HMCN2: variants seen among roughly 807,000 people sequenced by gnomAD.
HMCN2 encodes the protein hemicentin-2.
Under a neutral mutation model 377.5 loss-of-function variants are expected in HMCN2, and 325 were observed. That is an observed-to-expected ratio of 0.86 (90% CI 0.79 to 0.94). HMCN2 has a LOEUF of 0.94. Among genes scored for constraint, HMCN2 ranks in the 40% least tolerant of loss-of-function variants. The probability of loss-of-function intolerance (pLI) is 0.00; values close to 1 mark genes in which losing one functional copy is unlikely to be tolerated. For synonymous variants in HMCN2, 2,007 were observed against 2,046.8 expected, an observed-to-expected ratio of 0.98 and a Z score of 0.53; for missense variants, 4,543 against 4,725.3, an observed-to-expected ratio of 0.96 and a Z score of 1.13.
chr9:130,322,342 CCATCT>C (rs1207608381), intron 19 of HMCN2, among the ~76,000 whole-genome samples: 64,584 of 147,664 alleles, frequency 0.44, 14,896 homozygotes, highest in South Asian at 0.57. Context: ...ATCTATCTAT[CCATCT>C]ATCTATCTAT....
intron 1 of HMCN2, among the ~76,000 whole-genome samples, chr9:130,275,049 C>T (rs1256104262): frequency 1.3e-5 from 2 of 152,240 alleles, no homozygotes; most frequent in African/African-American, 4.8e-5. Context: ...AAACACACTG[C>T]GCCATCTTGC....
chr9:130,433,960 T>A lies in HMCN2; in HGVS notation c.*267T>A. ...GGGAAGCCCGGATCAGACCTCCAGG[T>A]CTGATCCGCCCCTCAGTGGGAGCGG... On this transcript the variant is annotated 3_prime_UTR_variant, in exon 98 of 98. Transcript: ENST00000683500. 2 of 390,468 alleles carry A rather than the reference T, an allele frequency of 5.1e-6. No homozygotes were observed. The highest frequency in any genetic ancestry group is 9.1e-6 in the Non-Finnish European group (2 of 220,844). 24.2% of individuals were successfully genotyped at this position (390,468 alleles called of 1,614,324 possible).
Position 130,365,735 on chromosome 9 carries a change from T to C in HMCN2, c.6505+8T>C. 1 of 984,820 alleles carries C rather than the reference T, an allele frequency of 1.0e-6. No homozygotes were observed. Among genetic ancestry groups the C allele is most frequent in the Non-Finnish European group, 1.2e-6 (1 of 829,172 alleles). The allele number at this position is 984,820 out of a possible 1,614,324, so 61.0% of individuals were successfully genotyped here. On this transcript the variant is annotated splice_region_variant and intron_variant, in intron 42 of 97. Transcript: ENST00000683500. The stretch of plus-strand genomic sequence containing the variant: ...ACAATCTGAACGTCTGGGGTGAGGG[T>C]CTCCCAGGCTGGGCAGGGGGAGGGG...
chr9:130,425,144 C>A lies in HMCN2; in HGVS notation c.13641+14C>A. 1 of 1,539,474 alleles carries A rather than the reference C, an allele frequency of 6.5e-7. No homozygotes were observed. The highest frequency in any genetic ancestry group is 8.8e-7 in the Non-Finnish European group (1 of 1,141,272). On this transcript the variant is annotated intron_variant, in intron 89 of 97. Coordinates refer to ENST00000683500, the MANE Select transcript of HMCN2 (RefSeq NM_001291815.2). ...CTTCAAGTGCAGGTCGGGGGTCAAG[C>A]CCTGGGGTGTGCAGACAGGGTAGGT...
chr9:130,391,212 C>G lies in HMCN2; in HGVS notation c.9676C>G (p.Arg3226Gly). The G allele has an allele frequency of 2.0e-6, 2 of 987,934 alleles. No homozygotes were observed. The highest frequency in any genetic ancestry group is 9.3e-5 in the South Asian group (2 of 21,392). 61.2% of individuals were successfully genotyped at this position (987,934 alleles called of 1,614,324 possible). A position where few individuals can be genotyped will look rare whatever the true frequency, so the allele number is the denominator to read the frequency against. ...DFVVAVLVAP[R>G]IRSSGVAREH... ...CTGCACCCCTGCCTCAGTGGCCCCC[C>G]GGATCCGGAGCTCGGGCGTGGCGCG... is the stretch of plus-strand genomic sequence containing the variant. The change falls in exon 64 of 98, where the codon CGG (arginine) becomes GGG (glycine). Residue 3226 changes from arginine to glycine, a missense_variant. Around this residue, in one of 5 missense-constraint regions of HMCN2, gnomAD observed 736 missense variants for 773.2 expected, o/e 0.95. Transcript: ENST00000683500.
intron 43 of HMCN2, among the ~76,000 whole-genome samples, chr9:130,367,932 ACT>A (rs1281875399): frequency 8.5e-6 from 1 of 118,326 alleles, no homozygotes; most frequent in Non-Finnish European, 1.7e-5. Flanking sequence ...ACAGAGAGAG[ACT>A]CTGTCTCAAA....
intron 16 of HMCN2, among the ~76,000 whole-genome samples, 177 bp downstream of exon 16, chr9:130,319,872 T>A (rs975364630): frequency 6.0e-4 from 92 of 152,192 alleles, no homozygotes; most frequent in African/African-American, 2.2e-3. Flanking sequence ...TCCACTACTC[T>A]GACCCTGTTC....
Position 130,277,916 on chromosome 9 carries a change from CCACCA to C in HMCN2, c.260-6686_260-6682del, listed in dbSNP as rs1834838519. Among the ~76,000 whole-genome samples the C allele has an allele frequency of 5.1e-5, 2 of 38,952 alleles. 1 individual carries two copies. The highest frequency in any genetic ancestry group is 3.5e-4 in the African/African-American group (2 of 5,788). The allele number at this position is 38,952 out of a possible 152,430, so 25.6% of individuals were successfully genotyped here. A position where few individuals can be genotyped will look rare whatever the true frequency, so the allele number is the denominator to read the frequency against. ...ACCACCACCATCATCATCACCACCACCACCATCATCATCATCACCACCACCATCAT... is the reference window on the plus strand; with the variant it reads ...ACCACCACCATCATCATCACCACCACTCATCATCATCACCACCACCATCAT... On this transcript the variant is annotated intron_variant, in intron 1 of 97. Transcript: ENST00000683500.
rs1019613380 is a variant in HMCN2 at position 130,351,323 on chromosome 9, G to C, written c.4431-100G>C. The C allele has an allele frequency of 1.3e-5, 13 of 964,998 alleles. No homozygotes were observed. Among genetic ancestry groups the C allele is most frequent in the Non-Finnish European group, 1.4e-6 (1 of 726,218 alleles). 59.8% of individuals were successfully genotyped at this position (964,998 alleles called of 1,614,324 possible). ...TCCCACCTCTTGGCGCTAATGAATG[G>C]CCCAGCCTCGCTTTTTACAAGCCAC... On this transcript the variant is annotated intron_variant, in intron 29 of 97. Coordinates refer to ENST00000683500, the MANE Select transcript of HMCN2 (RefSeq NM_001291815.2). This position sits in a 1 kb window ranked among gnomAD's most constrained non-coding sequence, Gnocchi z 5.4.
In HMCN2 at chr9:130,400,942, C is replaced by T. The variant is rs989743634; in HGVS notation, c.11765C>T (p.Pro3922Leu). 1 of 1,286,930 alleles carries T rather than the reference C, an allele frequency of 7.8e-7. No individual in the cohort carries two copies. Among genetic ancestry groups the T allele is most frequent in the Non-Finnish European group, 1.0e-6 (1 of 987,644 alleles). 79.7% of individuals were successfully genotyped at this position (1,286,930 alleles called of 1,614,324 possible). The change falls in exon 77 of 98, where the codon CCA (proline) becomes CTA (leucine). Residue 3922 changes from proline (P) to leucine (L), a missense_variant. Pro to Leu is a moderately conservative substitution (Grantham distance 98). Coordinates refer to ENST00000683500, the MANE Select transcript of HMCN2 (RefSeq NM_001291815.2). ...GARGSGYRVS[P>L]SGALEIGQAL... ...CGGGGGAGTGGCTATCGTGTCTCAC[C>T]ATCGGGTAAGTAAGGGTAAGCCACA... is the stretch of plus-strand genomic sequence containing the variant.
chr9:130,278,052 T>TCACCACTACCACCATCATCATC lies in HMCN2; in HGVS notation c.260-6551_260-6550insCACCACTACCACCATCATCATC, dbSNP rs1834885763. Among the ~76,000 whole-genome samples, 9 of 83,592 alleles carry TCACCACTACCACCATCATCATC rather than the reference T, an allele frequency of 1.1e-4. 2 individuals carry two copies. Among genetic ancestry groups the TCACCACTACCACCATCATCATC allele is most frequent in the East Asian group, 4.6e-4 (1 of 2,160 alleles). 54.8% of individuals were successfully genotyped at this position (83,592 alleles called of 152,430 possible). On this transcript the variant is annotated intron_variant, in intron 1 of 97. Coordinates refer to ENST00000683500, the MANE Select transcript of HMCN2 (RefSeq NM_001291815.2). ...CGATCATCACCACCACCATCATCAT[T>TCACCACTACCACCATCATCATC]ACCACCACCACCACCACCATCATCA...
At chr9:130,408,319 C>T (rs545179792) in intron 83 of HMCN2, among the ~76,000 whole-genome samples, 7 of 152,168 alleles carry the variant, frequency 4.6e-5, no homozygotes, top group Non-Finnish European at 8.8e-5. Flanking sequence ...CATAGCGTTG[C>T]TTTGTACAAC....
rs1261701110 is a variant in HMCN2, at chr9:130,399,506, C to G, written c.11484-5C>G. 1 of 1,282,072 alleles carries G rather than the reference C, an allele frequency of 7.8e-7. No homozygotes were observed. The allele number at this position is 1,282,072 out of a possible 1,614,324, so 79.4% of individuals were successfully genotyped here. On this transcript the variant is annotated splice_polypyrimidine_tract_variant and splice_region_variant and intron_variant, in intron 75 of 97. Transcript: ENST00000683500. ...GCCACTTGGCCGTCTGTCTGTCCAC[C>G]CCAGGCTCCTGCCCTCCAACGCCCT...
Position 130,404,922 on chromosome 9 carries a change from C to G in HMCN2, c.12202C>G (p.His4068Asp), listed in dbSNP as rs769193873. ...AGACCTGTCCACCACCGAAGGCTCCCACGCCTTCTTGCCTTGCAAGGCGAG... is the reference window on the plus strand; with the variant it reads ...AGACCTGTCCACCACCGAAGGCTCCGACGCCTTCTTGCCTTGCAAGGCGAG... ...LPDLSTTEGS[H>D]AFLPCKARGS... is the part of the protein sequence containing the mutation. Residue 4068 changes from histidine (H) to aspartate (D), a missense_variant, in exon 81 of 98, where the codon CAC becomes GAC. By Grantham distance (81) the His-to-Asp change is moderately conservative. Coordinates refer to ENST00000683500, the MANE Select transcript of HMCN2 (RefSeq NM_001291815.2). 1 of 1,288,004 alleles carries G rather than the reference C, an allele frequency of 7.8e-7. No homozygotes were observed. The highest frequency in any genetic ancestry group is 1.2e-5 in the South Asian group (1 of 80,476). 79.8% of individuals were successfully genotyped at this position (1,288,004 alleles called of 1,614,324 possible).
intron 7 of HMCN2, among the ~76,000 whole-genome samples, chr9:130,298,623 G>A (rs1377451379): frequency 6.6e-6 from 1 of 152,140 alleles, no homozygotes; most frequent in African/African-American, 2.4e-5. Context: ...CCTGAACACG[G>A]GGAGAGTCTG....
Position 130,394,506 on chromosome 9 carries a change from CG to C in HMCN2, c.10626del (p.Gln3543ArgfsTer3). 1 of 1,289,824 alleles carries C rather than the reference CG, an allele frequency of 7.8e-7. No homozygotes were observed. The highest frequency in any genetic ancestry group is 1.0e-6 in the Non-Finnish European group (1 of 988,864). 79.9% of individuals were successfully genotyped at this position (1,289,824 alleles called of 1,614,324 possible). A position where few individuals can be genotyped will look rare whatever the true frequency, so the allele number is the denominator to read the frequency against. Reference protein sequence around the residue: ...PQPNITWHKDGQALTRLENNS... With the variant: ...PQPNITWHKDXQALTRLENNS... Reference sequence around the variant, plus strand: ...AGCCCAACATCACCTGGCATAAGGACGGGCAGGCCCTGACCAGGCTGGAGAA... The same window carrying C: ...AGCCCAACATCACCTGGCATAAGGACGGCAGGCCCTGACCAGGCTGGAGAA... On this transcript the variant is annotated frameshift_variant, in exon 69 of 98. Coordinates refer to ENST00000683500, the MANE Select transcript of HMCN2 (RefSeq NM_001291815.2). LOFTEE classifies it high-confidence loss of function. The surrounding 1 kb of genome is among the most constrained non-coding windows in gnomAD (Gnocchi z 5.1).
chr9:130,336,933 T>G (rs897958301), intron 22 of HMCN2, among the ~76,000 whole-genome samples: 12 of 151,740 alleles, frequency 7.9e-5, no homozygotes, highest in Admixed American at 5.9e-4. Context: ...AAATTGAAGC[T>G]CAGCAGAAAG....
chr9:130,424,813 C>G lies in HMCN2; in HGVS notation c.13419C>G (p.Pro4473=). ...GGGTGCTCGTGGTCACCATCGCCCC[C>G]ATCTACTGGGCCCTGGCCAGAGAGA... The part of the protein sequence containing the change: ...LMRVLVVTIA[P]IYWALARESG... Residue 4473 remains proline (P), a synonymous_variant, in exon 88 of 98, where the codon CCC becomes CCG. Coordinates refer to ENST00000683500, the MANE Select transcript of HMCN2 (RefSeq NM_001291815.2). 6.5e-7 allele frequency: 1 copy of G among 1,536,766 alleles called. No individual in the cohort carries two copies. Among genetic ancestry groups the G allele is most frequent in the Non-Finnish European group, 8.8e-7 (1 of 1,138,948 alleles).
intron 23 of HMCN2, among the ~76,000 whole-genome samples, chr9:130,339,929 TG>T (rs1214603196): frequency 1.3e-5 from 2 of 152,174 alleles, no homozygotes; most frequent in African/African-American, 4.8e-5. Flanking sequence ...TGGAGCAAGG[TG>T]GCCCCTGGGC....
Sources: allele counts gnomAD v4.1 joint callset (sites outside exome capture counted in the v4.1 genomes callset), GRCh38; gene constraint gnomAD v4.1.1; regional missense constraint gnomAD v4.1.1; non-coding constraint Gnocchi (gnomAD v3.1); transcripts MANE v1.5; gene names NCBI Gene and HGNC (gene_info 2026-07-23, HGNC 2026-07-21).